Variants in ARAP2 observed in about 807,000 individuals in gnomAD.
ARAP2 encodes the protein ArfGAP with RhoGAP domain, ankyrin repeat and PH domain 2, also known as arf-GAP with Rho-GAP domain, ANK repeat and PH domain-containing protein 2.
ARAP2 carries 148 observed loss-of-function variants against 194.5 expected under a neutral mutation model. The ratio of observed to expected loss-of-function variants is 0.76; its 90% CI spans 0.67 to 0.87. The LOEUF (loss-of-function observed/expected upper bound fraction) is 0.87. Among genes scored for constraint, ARAP2 ranks in the 40% least tolerant of loss-of-function variants. The probability of loss-of-function intolerance (pLI) is 0.00; values close to 1 mark genes in which losing one functional copy is unlikely to be tolerated. For synonymous variants in ARAP2, 695 were observed against 683.5 expected (o/e 1.02, Z -0.26); for missense variants, 2,128 against 1,989.7 (o/e 1.07, Z -1.32).
chr4:36,122,736 A>G (rs1722954342), intron 22 of ARAP2, among the ~76,000 whole-genome samples: 1 of 151,738 alleles, frequency 6.6e-6, no homozygotes, highest in Admixed American at 6.6e-5. Context: ...AAACCTACAC[A>G]CTGTACCCCT....
chr4:36,194,458 A>T (rs1009897756), intron 6 of ARAP2, among the ~76,000 whole-genome samples: 4 of 152,180 alleles, frequency 2.6e-5, no homozygotes, highest in African/African-American at 7.2e-5. Flanking sequence ...CTTATTTTTT[A>T]AAAAATTTAA....
At chr4:36,020,456 C>G (rs1303123675) in intron 5 of ARAP2, among the ~76,000 whole-genome samples, 6 of 151,322 alleles carry the variant, frequency 4.0e-5, no homozygotes, top group Non-Finnish European at 7.4e-5. Context: ...ACTGAGATGG[C>G]TACTAAGCAA....
At chr4:36,057,509 A>G (rs1723720476) in intron 2 of ARAP2, among the ~76,000 whole-genome samples, 1 of 151,996 alleles carries the variant, frequency 6.6e-6, no homozygotes, top group Non-Finnish European at 1.5e-5. Flanking sequence ...TGACATTTTA[A>G]CAGTGTCTCA....
intron 27 of ARAP2, among the ~76,000 whole-genome samples, chr4:36,096,687 T>C (rs1715419224): frequency 6.6e-6 from 1 of 152,192 alleles, no homozygotes; most frequent in African/African-American, 2.4e-5. Context: ...GTCATACTAA[T>C]AGATTCTTTT....
chr4:36,136,822 T>C (rs1210299732), intron 19 of ARAP2, among the ~76,000 whole-genome samples: 11 of 147,494 alleles, frequency 7.5e-5, no homozygotes, highest in Non-Finnish European at 1.5e-4. Context: ...TGTGTGTGCG[T>C]GTCTGTGTAT....
chr4:36,083,329 A>AT (rs1730049693), intron 29 of ARAP2, 39 bp downstream of exon 29: 1 of 1,422,290 alleles, frequency 7.0e-7, no homozygotes, highest in African/African-American at 1.4e-5. Context: ...TATTTTTCCC[A>AT]TAAGTTTTTC....
At chr4:36,065,664 T>C (rs1725282936), downstream of ARAP2, 1 of 170,914 alleles carries the variant, frequency 5.9e-6, no homozygotes, top group African/African-American at 2.4e-5. Context: ...ACTGCTGAGG[T>C]GCCAGACACT....
At chr4:36,160,096 C>T (rs1733565598) in intron 13 of ARAP2, 6 of 994,070 alleles carry the variant, frequency 6.0e-6, no homozygotes, top group Middle Eastern at 5.1e-4. Flanking sequence ...CTGTTAGAAT[C>T]CTTTTTTTTT....
intron 2 of ARAP2, among the ~76,000 whole-genome samples, chr4:36,218,088 G>T (rs897395206): frequency 6.6e-6 from 1 of 152,050 alleles, no homozygotes; most frequent in Non-Finnish European, 1.5e-5. Context: ...TATAGCTGTA[G>T]TAATTAAAAC....
At chr4:36,137,327 G>C (rs1177747861) in intron 19 of ARAP2, among the ~76,000 whole-genome samples, 1 of 151,840 alleles carries the variant, frequency 6.6e-6, no homozygotes, top group Non-Finnish European at 1.5e-5. Flanking sequence ...CTAGGGAAAG[G>C]TTAAGTGATT....
chr4:36,235,376 C>T (rs913964505), intron 1 of ARAP2, among the ~76,000 whole-genome samples: 1 of 152,238 alleles, frequency 6.6e-6, no homozygotes, highest in South Asian at 2.1e-4. Context: ...CTTCCTCAGA[C>T]CTTACCTCTT....
intron 31 of ARAP2, among the ~76,000 whole-genome samples, chr4:36,079,120 G>A (rs1488888097): frequency 4.8e-5 from 7 of 144,620 alleles, no homozygotes; most frequent in African/African-American, 1.8e-4. Flanking sequence ...ATTGCAGTGG[G>A]CTGAGATCAT....
At chr4:36,056,081 A>G (rs1384941718) in intron 2 of ARAP2, among the ~76,000 whole-genome samples, 1 of 152,254 alleles carries the variant, frequency 6.6e-6, no homozygotes, top group Non-Finnish European at 1.5e-5. Context: ...ATTAAGAAAC[A>G]TGGGATTAAT....
intron 5 of ARAP2, among the ~76,000 whole-genome samples, chr4:36,036,269 C>A (rs1009152321): frequency 3.9e-5 from 6 of 152,018 alleles, no homozygotes; most frequent in African/African-American, 1.4e-4. Flanking sequence ...TTGAGGAGAA[C>A]CGGCATGTTT....
chr4:36,139,856 C>T (rs1483825517), intron 19 of ARAP2, among the ~76,000 whole-genome samples: 1 of 151,442 alleles, frequency 6.6e-6, no homozygotes, highest in Non-Finnish European at 1.5e-5. Flanking sequence ...CAATCCTTTC[C>T]AGAATAAGGC....
chr4:36,114,333 A>T, intron 25 of ARAP2, 46 bp from the exon 26 acceptor site: 1 of 1,199,964 alleles, frequency 8.3e-7, no homozygotes, highest in South Asian at 1.3e-5. Context: ...TAGACACAGA[A>T]GTAGCCTTAT....
At chr4:36,102,262 A>G (rs1160718489) in intron 27 of ARAP2, among the ~76,000 whole-genome samples, 1 of 151,988 alleles carries the variant, frequency 6.6e-6, no homozygotes, top group Non-Finnish European at 1.5e-5. Context: ...ACTCCCAACC[A>G]GCAAGCTCTT....
At chr4:36,011,037 C>A (rs1714436737) in intron 9 of ARAP2, among the ~76,000 whole-genome samples, 1 of 152,018 alleles carries the variant, frequency 6.6e-6, no homozygotes, top group South Asian at 2.1e-4. Context: ...TCAATTGTGT[C>A]TTGTGTCTTT....
At chr4:36,091,768 T>G (rs1344180237) in intron 28 of ARAP2, 113 bp downstream of exon 28, 1 of 1,146,930 alleles carries the variant, frequency 8.7e-7, no homozygotes, top group Non-Finnish European at 1.2e-6. Context: ...CAGCTTACCA[T>G]GCATTTTATA....
Sources: gnomAD v4.1 joint callset for allele counts (sites outside exome capture counted in the v4.1 genomes callset) on GRCh38, gnomAD v4.1.1 for gene constraint, MANE v1.5 for transcripts, NCBI Gene and HGNC (gene_info 2026-07-23, HGNC 2026-07-21) for gene names.